The following YRDC variants were observed in gnomAD, a reference collection of about 807,000 sequenced individuals.
YRDC encodes the protein threonylcarbamoyl-AMP synthase.
YRDC carries 17 observed loss-of-function variants against 21.5 expected under a neutral mutation model. That is an observed-to-expected ratio of 0.79 (90% confidence interval 0.54 to 1.19). YRDC has a LOEUF of 1.19. Ranked by LOEUF, YRDC falls within the 50% of genes most tolerant of loss-of-function variation. The probability of loss-of-function intolerance (pLI) is 0.00; values close to 1 mark genes in which losing one functional copy is unlikely to be tolerated. For missense variants in YRDC, 380 were observed against 397.1 expected (o/e 0.96, Z 0.37); for synonymous variants, 193 against 176.7 (o/e 1.09, Z -0.73).
chr1:37,804,128 T>G (rs1349185622), intron 4 of YRDC, 131 bp from the exon 5 acceptor site: 3 of 1,433,910 alleles, frequency 2.1e-6, no homozygotes, highest in Non-Finnish European at 1.9e-6. Context: ...ATGAAACCTT[T>G]TGAATCCTAA....
Position 37,803,910 on chromosome 1 carries a change from C to A in YRDC, c.*15G>T. The A allele has an allele frequency of 3.7e-6, 6 of 1,613,904 alleles. No individual in the cohort carries two copies. Among genetic ancestry groups the A allele is most frequent in the Non-Finnish European group, 5.1e-6 (6 of 1,179,972 alleles). On this transcript the variant is annotated 3_prime_UTR_variant, in exon 5 of 5. Transcript: ENST00000373044. ...ATCCAGCACCAGGTCTTGGGCCTTC[C>A]TGCTTCCCAGAGTTTCACAGGTAGG...
chr1:37,808,145 G>C lies in YRDC; in HGVS notation c.36C>G (p.Ala12=). Residue 12 remains alanine, a synonymous_variant, in exon 1 of 5, where the codon GCC becomes GCG. Coordinates refer to ENST00000373044, the MANE Select transcript of YRDC (RefSeq NM_024640.4). ...TCAACCCCACGCTGGCAGCCACCGC[G>C]GCCCTCATCCCCCTGCACCGACGCG... ...SPARRCRGMR[A]AVAASVGLSE... 2 of 1,471,794 alleles carry C rather than the reference G, an allele frequency of 1.4e-6. No homozygotes were observed. The highest frequency in any genetic ancestry group is 1.8e-6 in the Non-Finnish European group (2 of 1,118,516). 91.2% of individuals were successfully genotyped at this position (1,471,794 alleles called of 1,614,324 possible). A position where few individuals can be genotyped will look rare whatever the true frequency, so the allele number is the denominator to read the frequency against.
rs752985444 is a variant in YRDC at position 37,803,805 on chromosome 1, T to G, written c.*120A>C. Reference sequence around the variant, plus strand: ...ACAGTGCTCAGAAAGACACACTGCCTTAAAAGTCAGGCTAGTGCCCTAGCT... The same window carrying G: ...ACAGTGCTCAGAAAGACACACTGCCGTAAAAGTCAGGCTAGTGCCCTAGCT... On this transcript the variant is annotated 3_prime_UTR_variant, in exon 5 of 5. Coordinates refer to ENST00000373044, the MANE Select transcript of YRDC (RefSeq NM_024640.4). The G allele has an allele frequency of 1.7e-4, 194 of 1,118,196 alleles. No homozygotes were observed. Among genetic ancestry groups the G allele is most frequent in the Non-Finnish European group, 2.5e-4 (189 of 768,736 alleles). 69.3% of individuals were successfully genotyped at this position (1,118,196 alleles called of 1,614,324 possible).
chr1:37,807,425 A>T lies in YRDC; in HGVS notation c.390-210T>A, dbSNP rs578147745. ...CGCCCATGTGCCTCTGGTCTCAGGGACTACAACAGCTGCACCGCTGTGATA... is the reference window on the plus strand; with the variant it reads ...CGCCCATGTGCCTCTGGTCTCAGGGTCTACAACAGCTGCACCGCTGTGATA... On this transcript the variant is annotated intron_variant, in intron 1 of 4. Coordinates refer to ENST00000373044, the MANE Select transcript of YRDC (RefSeq NM_024640.4). The T allele has an allele frequency of 9.8e-6, 6 of 612,076 alleles. No individual in the cohort carries two copies. In the East Asian group the frequency reaches 1.7e-4, roughly 17 times the overall value. 37.9% of individuals were successfully genotyped at this position (612,076 alleles called of 1,614,324 possible).
At position 37,804,527 on chromosome 1, in the gene YRDC, A is replaced by G. The variant is rs1016121805; in HGVS notation, c.625-83T>C. 6.0e-6 allele frequency: 9 copies of G among 1,499,786 alleles called. No homozygotes were observed. In the African/African-American group the frequency reaches 9.8e-5, roughly 16 times the overall value. 92.9% of individuals were successfully genotyped at this position (1,499,786 alleles called of 1,614,324 possible). The stretch of plus-strand genomic sequence containing the variant: ...AAACTGCACGCAGTCATCAAAGGCC[A>G]TATAGTCTTAAAACAGAAGGCACTT... On this transcript the variant is annotated intron_variant, in intron 3 of 4. Transcript: ENST00000373044.
chr1:37,807,556 G>A, intron 1 of YRDC: 1 of 810,104 alleles, frequency 1.2e-6, no homozygotes, highest in South Asian at 2.2e-5. Flanking sequence ...TCCCCAATTA[G>A]CACAAATACG....
chr1:37,806,581 A>G (rs1158684492), intron 3 of YRDC, among the ~76,000 whole-genome samples: 1 of 152,198 alleles, frequency 6.6e-6, no homozygotes, highest in Non-Finnish European at 1.5e-5. Flanking sequence ...CTCCAGAAAA[A>G]CAGGAAGACA....
chr1:37,807,588 C>T lies in YRDC; in HGVS notation c.389+204G>A, dbSNP rs191810823. The T allele has an allele frequency of 3.4e-4, 351 of 1,047,742 alleles. 3 individuals are homozygous for T. Among genetic ancestry groups the T allele is most frequent in the Admixed American group, 2.3e-3 (70 of 30,164 alleles). 64.9% of individuals were successfully genotyped at this position (1,047,742 alleles called of 1,614,324 possible). On this transcript the variant is annotated intron_variant, in intron 1 of 4. Coordinates refer to ENST00000373044, the MANE Select transcript of YRDC (RefSeq NM_024640.4). ...TACGCCAAGGGAACAGGGTCCCTGCCTTTCTCGTGTGTTGCTGCTTCCCAG... is the reference window on the plus strand; with the variant it reads ...TACGCCAAGGGAACAGGGTCCCTGCTTTTCTCGTGTGTTGCTGCTTCCCAG...
chr1:37,806,610 CTATT>C (rs1646737926), intron 3 of YRDC, among the ~76,000 whole-genome samples: 1 of 152,172 alleles, frequency 6.6e-6, no homozygotes, highest in African/African-American at 2.4e-5. Flanking sequence ...ATAATCTTTC[CTATT>C]ATTATAAAGA....
Position 37,807,985 on chromosome 1 carries a change from A to G in YRDC, c.196T>C (p.Trp66Arg). ...ACGGCGGCCCGCAGCGCCTCGGTCC[A>G]GCCGGCGCGCTCCGGGCTCGCGGCC... is the stretch of plus-strand genomic sequence containing the variant. ...VQAASPERAG[W>R]TEALRAAVAE... The change falls in exon 1 of 5, where the codon TGG (tryptophan) becomes CGG (arginine). Residue 66 changes from tryptophan (W) to arginine (R), a missense_variant. Physicochemically the swap from Trp to Arg is moderately radical, Grantham distance 101 (BLOSUM62 -3). Coordinates refer to ENST00000373044, the MANE Select transcript of YRDC (RefSeq NM_024640.4). 3 of 1,205,088 alleles carry G rather than the reference A, an allele frequency of 2.5e-6. No individual in the cohort carries two copies. Among genetic ancestry groups the G allele is most frequent in the Non-Finnish European group, 3.1e-6 (3 of 971,672 alleles). 74.6% of individuals were successfully genotyped at this position (1,205,088 alleles called of 1,614,324 possible).
chr1:37,807,676 C>T lies in YRDC; in HGVS notation c.389+116G>A, dbSNP rs1646749372. 3.0e-6 allele frequency: 4 copies of T among 1,337,596 alleles called. No individual in the cohort carries two copies. In the East Asian group the frequency reaches 8.8e-5, roughly 29 times the overall value. 82.9% of individuals were successfully genotyped at this position (1,337,596 alleles called of 1,614,324 possible). The stretch of plus-strand genomic sequence containing the variant: ...CGGTACATATTTCCAGTTCCGGATT[C>T]CTTGGTGAGCCTGGACAAGCCCCTC... On this transcript the variant is annotated intron_variant, in intron 1 of 4. Coordinates refer to ENST00000373044, the MANE Select transcript of YRDC (RefSeq NM_024640.4).
intron 1 of YRDC, chr1:37,807,580 G>T: frequency 1.0e-6 from 1 of 969,096 alleles, no homozygotes; most frequent in Non-Finnish European, 1.4e-6. Flanking sequence ...AGGGAACAGG[G>T]TCCCTGCCTT....
At chr1:37,804,251 C>G in intron 4 of YRDC, 51 bp downstream of exon 4, 1 of 1,575,264 alleles carries the variant, frequency 6.3e-7, no homozygotes, top group East Asian at 2.3e-5. Flanking sequence ...TTTTTTGCAT[C>G]TCTCCAACCT....
Position 37,808,192 on chromosome 1 carries a change from C to A in YRDC, c.-12G>T, listed in dbSNP as rs1051071153. On this transcript the variant is annotated 5_prime_UTR_variant, in exon 1 of 5. Coordinates refer to ENST00000373044, the MANE Select transcript of YRDC (RefSeq NM_024640.4). ...CGCGCCGGAGACATCCGCCCAGGCC[C>A]GCTTCCGGGAGGAAGTGACGCTCCC... The A allele has an allele frequency of 2.1e-6, 3 of 1,429,260 alleles. No homozygotes were observed. Among genetic ancestry groups the A allele is most frequent in the African/African-American group, 3.0e-5 (2 of 67,126 alleles). 88.5% of individuals were successfully genotyped at this position (1,429,260 alleles called of 1,614,324 possible).
intron 3 of YRDC, among the ~76,000 whole-genome samples, chr1:37,806,216 T>A (rs1646734651): frequency 6.6e-6 from 1 of 151,650 alleles, no homozygotes; most frequent in African/African-American, 2.4e-5. Context: ...TTTTTTTTTT[T>A]AAGAGACAGA....
At chr1:37,804,031 T>C in intron 4 of YRDC, 34 bp from the exon 5 acceptor site, 4 of 1,612,698 alleles carry the variant, frequency 2.5e-6, no homozygotes, top group Non-Finnish European at 3.4e-6. Flanking sequence ...CCAGTCTGAC[T>C]TCTCAGAAGT....
At chr1:37,807,575 ACAGGGT>A in intron 1 of YRDC, 1 of 928,918 alleles carries the variant, frequency 1.1e-6, no homozygotes, top group Non-Finnish European at 1.5e-6. Flanking sequence ...CGCCAAGGGA[ACAGGGT>A]CCCTGCCTTT....
rs1489540504 is a variant in YRDC at position 37,803,116 on chromosome 1, GAATA to G, written c.*805_*808del. ...TATAATTAACTATAATTTATTTTAT[GAATA>G]AATAAGAAAAAAGTCCCTGGCTATA... On this transcript the variant is annotated 3_prime_UTR_variant, in exon 5 of 5. Transcript: ENST00000373044. 2 of 152,134 alleles carry G rather than the reference GAATA, an allele frequency of 1.3e-5. No homozygotes were observed. The highest frequency in any genetic ancestry group is 2.4e-5 in the African/African-American group (1 of 41,420). The allele number at this position is 152,134 out of a possible 1,614,324, so 9.4% of individuals were successfully genotyped here.
intron 1 of YRDC, 127 bp downstream of exon 1, chr1:37,807,665 A>C: frequency 7.5e-7 from 1 of 1,335,666 alleles, no homozygotes; most frequent in Non-Finnish European, 9.6e-7. Flanking sequence ...ACATATTTCC[A>C]GTTCCGGATT....
Sources: allele counts gnomAD v4.1 joint callset (sites outside exome capture counted in the v4.1 genomes callset), GRCh38; gene constraint gnomAD v4.1.1; transcripts MANE v1.5; gene names NCBI Gene and HGNC (gene_info 2026-07-23, HGNC 2026-07-21).